PRPF18: variants seen among roughly 807,000 people sequenced by gnomAD.
PRPF18 encodes pre-mRNA processing factor 18, also known as pre-mRNA-splicing factor 18.
A neutral mutation model predicts 46.5 loss-of-function variants in PRPF18; 38 were observed. The ratio of observed to expected loss-of-function variants is 0.82; its 90% CI spans 0.63 to 1.07. The LOEUF (loss-of-function observed/expected upper bound fraction) is 1.07. Among genes scored for constraint, PRPF18 ranks in the 50% least tolerant of loss-of-function variants. The probability of loss-of-function intolerance (pLI) is 0.00; values close to 1 mark genes in which losing one functional copy is unlikely to be tolerated. For synonymous variants in PRPF18, 152 were observed against 146.7 expected (o/e 1.04, Z -0.26); for missense variants, 263 against 410.0 (o/e 0.64, Z 3.10).
At chr10:13,606,056 G>A (rs2080179472) in intron 4 of PRPF18, among the ~76,000 whole-genome samples, 1 of 152,016 alleles carries the variant, frequency 6.6e-6, no homozygotes, top group Admixed American at 6.5e-5. Context: ...GCTGGGTGAT[G>A]GGATGATCTG....
chr10:13,587,334 G>T, intron 1 of PRPF18, 182 bp downstream of exon 1: 1 of 662,316 alleles, frequency 1.5e-6, no homozygotes, highest in Non-Finnish European at 2.6e-6. Flanking sequence ...GTTGAGGCTG[G>T]AGAATAGGGT....
the PRPF18 span, chr10:13,654,938 G>A: frequency 8.3e-4 from 146 of 176,694 alleles, no homozygotes; most frequent in South Asian, 9.8e-3. Context: ...GGCATTTTCA[G>A]TGTGGCCCTG....
intron 6 of PRPF18, among the ~76,000 whole-genome samples, chr10:13,612,804 G>T (rs78236587): frequency 0.013 from 1,926 of 152,062 alleles, 45 homozygotes; most frequent in African/African-American, 0.044. Flanking sequence ...TAACCTTACA[G>T]AGAGTGCTCA....
chr10:13,612,182 C>G (rs1174756043), intron 6 of PRPF18, among the ~76,000 whole-genome samples: 1 of 152,070 alleles, frequency 6.6e-6, no homozygotes, highest in Non-Finnish European at 1.5e-5. Flanking sequence ...GACTGGTCTG[C>G]TTTTCTTGTG....
intron 1 of PRPF18, among the ~76,000 whole-genome samples, chr10:13,588,671 T>G (rs553390996): frequency 6.6e-6 from 1 of 152,226 alleles, no homozygotes; most frequent in Admixed American, 6.5e-5. Context: ...CTTCAACACA[T>G]GAAAAGTCTG....
the PRPF18 span, chr10:13,643,667 G>C: frequency 6.6e-6 from 1 of 152,582 alleles, no homozygotes; most frequent in African/African-American, 2.4e-5. Context: ...ATTTATCGCT[G>C]ACAGACAAAG....
At chr10:13,641,679 C>G in the PRPF18 span, 2 of 152,266 alleles carry the variant, frequency 1.3e-5, no homozygotes, top group African/African-American at 4.8e-5. Context: ...ATCCTGACAT[C>G]CCAGTGAAGA....
chr10:13,654,285 TGAAAG>T, the PRPF18 span: 9 of 716,764 alleles, frequency 1.3e-5, no homozygotes, highest in Admixed American at 1.0e-4. Flanking sequence ...GGGCTTCTCT[TGAAAG>T]GAAGACACCT....
chr10:13,612,215 A>G (rs938898373), intron 6 of PRPF18, among the ~76,000 whole-genome samples: 2 of 152,130 alleles, frequency 1.3e-5, no homozygotes, highest in Non-Finnish European at 2.9e-5. Flanking sequence ...AAGCTGGCTC[A>G]TTAATGTAAA....
the PRPF18 span, chr10:13,655,708 G>A: frequency 4.7e-3 from 715 of 152,182 alleles, 13 homozygotes; most frequent in Admixed American, 0.022. Context: ...TGTTTCCCCC[G>A]ATCTTTACCA....
rs910799034 is a variant in PRPF18 at position 13,623,322 on chromosome 10, A to G, written c.948+6769A>G. On this transcript the variant is annotated intron_variant, in intron 9 of 9. Transcript: ENST00000378572. ...CTTACTAAGTACACATTTTTTGAAC[A>G]TCACATTTCAGGTCAAATGAGCATT... 6.6e-5 allele frequency among the ~76,000 whole-genome samples: 10 copies of G among 152,272 alleles called. No homozygotes were observed. The East Asian group carries it at 1.9e-3, about 29-fold the overall frequency.
In PRPF18 at chr10:13,610,006, A is replaced by G. The variant is rs754041760; in HGVS notation, c.364-33A>G. 2.6e-6 allele frequency: 4 copies of G among 1,554,454 alleles called. No individual in the cohort carries two copies. The South Asian group carries it at 3.4e-5, about 13-fold the overall frequency. On this transcript the variant is annotated intron_variant, in intron 4 of 9. Coordinates refer to ENST00000378572, the MANE Select transcript of PRPF18 (RefSeq NM_003675.4). ...AAAAAACAGGTGTTCTTCCTTTCAT[A>G]ACAGGTGTTCTTCCTTTTTTTGCTT... is the stretch of plus-strand genomic sequence containing the variant.
chr10:13,617,793 A>G (rs1483925141), intron 9 of PRPF18, among the ~76,000 whole-genome samples: 4 of 152,164 alleles, frequency 2.6e-5, no homozygotes, highest in Admixed American at 2.6e-4. Context: ...CTATGTAATG[A>G]CCTGTCCTTA....
the PRPF18 span, chr10:13,655,455 A>G: frequency 6.6e-6 from 1 of 152,320 alleles, no homozygotes; most frequent in South Asian, 2.1e-4. Flanking sequence ...CAGATGAAGA[A>G]GGAACATAAA....
At chr10:13,587,752 C>T (rs1485759962) in intron 1 of PRPF18, among the ~76,000 whole-genome samples, 2 of 152,230 alleles carry the variant, frequency 1.3e-5, no homozygotes, top group Non-Finnish European at 2.9e-5. Context: ...GCCGCTTGCT[C>T]GGGCCCACTC....
At position 13,630,405 on chromosome 10, in the gene PRPF18, T is replaced by C; in HGVS notation, c.*65T>C. On this transcript the variant is annotated 3_prime_UTR_variant, in exon 10 of 10. Coordinates refer to ENST00000378572, the MANE Select transcript of PRPF18 (RefSeq NM_003675.4). ...GGAAGCAGGCTGTGGACTTCTGGAA[T>C]TACCAACAGGAATGAGGAAAGAAGA... The C allele has an allele frequency of 7.6e-7, 1 of 1,311,226 alleles. No homozygotes were observed. The highest frequency in any genetic ancestry group is 1.1e-6 in the Non-Finnish European group (1 of 923,178). The allele number at this position is 1,311,226 out of a possible 1,614,324, so 81.2% of individuals were successfully genotyped here. A position where few individuals can be genotyped will look rare whatever the true frequency, so the allele number is the denominator to read the frequency against.
intron 3 of PRPF18, among the ~76,000 whole-genome samples, chr10:13,604,202 T>C (rs557746320): frequency 9.7e-4 from 147 of 152,328 alleles, no homozygotes; most frequent in Middle Eastern, 3.4e-3. Flanking sequence ...AATCTCAAAC[T>C]TCTGTTAATC....
intron 9 of PRPF18, among the ~76,000 whole-genome samples, chr10:13,618,615 CAAAAAAAAAAAAA>C (rs68069523): frequency 2.0e-4 from 8 of 39,992 alleles, no homozygotes; most frequent in Admixed American, 3.1e-4. Context: ...AAGACCCTGT[CAAAAAAAAAAAAA>C]AAAAAAAAAA....
At chr10:13,597,420 AAGG>A (rs2080051218) in intron 1 of PRPF18, 35 bp from the exon 2 acceptor site, 1 of 1,444,090 alleles carries the variant, frequency 6.9e-7, no homozygotes, top group African/African-American at 1.4e-5. Flanking sequence ...AATTTTGCTC[AAGG>A]ATATATTATT....
Sources: allele counts gnomAD v4.1 joint callset (sites outside exome capture counted in the v4.1 genomes callset), GRCh38; gene constraint gnomAD v4.1.1; transcripts MANE v1.5; gene names NCBI Gene and HGNC (gene_info 2026-07-23, HGNC 2026-07-21).